Variants in ZNF669 observed in about 807,000 individuals in gnomAD.
ZNF669 encodes zinc finger protein 669.
ZNF669 carries 7 observed loss-of-function variants against 11.4 expected under a neutral mutation model. The observed-to-expected ratio is 0.62, with a 90% CI of 0.35 to 1.16. The LOEUF (loss-of-function observed/expected upper bound fraction) is 1.16. ZNF669 is among the 50% of genes most tolerant of loss of function. ZNF669 has a pLI of 0.02. For synonymous variants in ZNF669, 153 were observed against 155.8 expected (o/e 0.98, Z 0.13); for missense variants, 492 against 463.6 (o/e 1.06, Z -0.56).
Position 247,100,819 on chromosome 1 carries a change from A to G in ZNF669, c.692T>C (p.Phe231Ser). The change falls in exon 4 of 4, where the codon TTT becomes TCT. Residue 231 changes from phenylalanine (F) to serine (S), a missense_variant. Transcript: ENST00000448299. ...ECKECGKTFR[F>S]SCSFKTHERT... Reference sequence around the variant, plus strand: ...TTCATGCGTCTTAAAAGAACAAGAAAATCTGAATGTTTTCCCACATTCCTT... The same window carrying G: ...TTCATGCGTCTTAAAAGAACAAGAAGATCTGAATGTTTTCCCACATTCCTT... 1 of 1,613,778 alleles carries G rather than the reference A, an allele frequency of 6.2e-7. No homozygotes were observed. Among genetic ancestry groups the G allele is most frequent in the Non-Finnish European group, 8.5e-7 (1 of 1,179,916 alleles).
rs749100161 is a variant in ZNF669, at chr1:247,101,197, C to T, written c.314G>A (p.Cys105Tyr). Residue 105 changes from cysteine to tyrosine, a missense_variant, in exon 4 of 4, where the codon TGC becomes TAC. Physicochemically the swap from Cys to Tyr is radical, Grantham distance 194. Transcript: ENST00000448299. ...NISTGLKPCE[C>Y]SICGKVFVRH... ...TACAAAGACTTTTCCACAAATACTG[C>T]ATTCACATGGTTTTAATCCAGTAGA... 1 of 1,614,090 alleles carries T rather than the reference C, an allele frequency of 6.2e-7. No homozygotes were observed. The highest frequency in any genetic ancestry group is 8.5e-7 in the Non-Finnish European group (1 of 1,180,010).
chr1:247,104,098 C>G, intron 1 of ZNF669, 99 bp downstream of exon 1: 1 of 1,597,464 alleles, frequency 6.3e-7, no homozygotes, highest in Middle Eastern at 1.7e-4. Flanking sequence ...ACTCGGTCCG[C>G]AGGTTCCGGA....
rs987200822 is a variant in ZNF669 at position 247,101,415 on chromosome 1, G to A, written c.192-96C>T. On this transcript the variant is annotated intron_variant, in intron 3 of 3. Transcript: ENST00000448299. ...GGACTTACACTGCTACCAATATCAG[G>A]GAAAATGCATTTTTTTTTTTGCCAT... 3.6e-5 allele frequency: 51 copies of A among 1,403,942 alleles called. No homozygotes were observed. The African/African-American group carries it at 6.4e-4, about 18-fold the overall frequency. 87.0% of individuals were successfully genotyped at this position (1,403,942 alleles called of 1,614,324 possible). A position where few individuals can be genotyped will look rare whatever the true frequency, so the allele number is the denominator to read the frequency against.
chr1:247,103,643 A>G (rs1671772454), intron 1 of ZNF669, among the ~76,000 whole-genome samples: 1 of 139,964 alleles, frequency 7.1e-6, no homozygotes, highest in East Asian at 1.9e-4. Context: ...AAAAAAAAAA[A>G]AAAAAAAAAA....
In ZNF669 at chr1:247,104,180, A is replaced by T. The variant is rs745541446; in HGVS notation, c.3+17T>A. 1 of 1,532,738 alleles carries T rather than the reference A, an allele frequency of 6.5e-7. No individual in the cohort carries two copies. 94.9% of individuals were successfully genotyped at this position (1,532,738 alleles called of 1,614,324 possible). ...GCCCTCTTCTCCACTTCGGGAAGCCAGGCGCAGTCCACTCACCATTCCTCG... is the reference window on the plus strand; with the variant it reads ...GCCCTCTTCTCCACTTCGGGAAGCCTGGCGCAGTCCACTCACCATTCCTCG... On this transcript the variant is annotated intron_variant, in intron 1 of 3. Coordinates refer to ENST00000448299, the MANE Select transcript of ZNF669 (RefSeq NM_001142572.2).
At chr1:247,101,603 G>T in intron 3 of ZNF669, 128 bp downstream of exon 3, 2 of 950,346 alleles carry the variant, frequency 2.1e-6, no homozygotes, top group Non-Finnish European at 3.1e-6. Flanking sequence ...GTTACATTTT[G>T]GGTGAAATTT....
rs868262823 is a variant in ZNF669 at position 247,101,164 on chromosome 1, G to A, written c.347C>T (p.Ser116Phe). The A allele has an allele frequency of 1.9e-6, 3 of 1,614,090 alleles. No homozygotes were observed. The highest frequency in any genetic ancestry group is 2.2e-5 in the East Asian group (1 of 44,858). ...SICGKVFVRH[S>F]LLNRHILAHS... is the part of the protein sequence containing the mutation. ...AGCTAGGATATGCCTATTAAGGAGG[G>A]AATGACGTACAAAGACTTTTCCACA... Residue 116 changes from serine to phenylalanine, a missense_variant, in exon 4 of 4, where the codon TCC becomes TTC. Coordinates refer to ENST00000448299, the MANE Select transcript of ZNF669 (RefSeq NM_001142572.2).
At chr1:247,103,559 G>A (rs376634520) in intron 1 of ZNF669, among the ~76,000 whole-genome samples, 3 of 147,158 alleles carry the variant, frequency 2.0e-5, no homozygotes, top group African/African-American at 5.1e-5. Flanking sequence ...GCTTGAACCC[G>A]GGAGTCAGAG....
chr1:247,102,093 ATCCT>A lies in ZNF669; in HGVS notation c.20_23del (p.Glu7ValfsTer4), dbSNP rs749649603. The A allele has an allele frequency of 1.2e-6, 2 of 1,609,704 alleles. No individual in the cohort carries two copies. Among genetic ancestry groups the A allele is most frequent in the Admixed American group, 3.4e-5 (2 of 58,848 alleles). On this transcript the variant is annotated frameshift_variant, in exon 2 of 4. Coordinates refer to ENST00000448299, the MANE Select transcript of ZNF669 (RefSeq NM_001142572.2). LOFTEE classifies it high-confidence loss of function. ...CCTCCTGGGTAAAGTTCACAGCCAC[ATCCT>A]CAAAAGCCACCGAGTCCTAGAACAT...
At position 247,100,412 on chromosome 1, in the gene ZNF669, G is replaced by A; in HGVS notation, c.1099C>T (p.Pro367Ser). The A allele has an allele frequency of 1.9e-6, 3 of 1,613,216 alleles. No homozygotes were observed. The highest frequency in any genetic ancestry group is 2.5e-6 in the Non-Finnish European group (3 of 1,179,404). Residue 367 changes from proline to serine, a missense_variant, in exon 4 of 4, where the codon CCC (proline) becomes TCC (serine). By Grantham distance (74) the Pro-to-Ser change is moderately conservative (BLOSUM62 -1). Transcript: ENST00000448299. ...ACGCCTTGGCCTCCCAAAGTGCTGG[G>A]ATTATAGGCTGAGTCACTACACCCA... ...EAGCSDSAYNPSTLGGQGVWI... is the reference protein window; with the variant it reads ...EAGCSDSAYNSSTLGGQGVWI...
chr1:247,103,632 CAAAAAAAAAAAA>C (rs58671011), intron 1 of ZNF669, among the ~76,000 whole-genome samples: 24 of 50,044 alleles, frequency 4.8e-4, no homozygotes, highest in Admixed American at 4.0e-3. Context: ...ATTCCGTCTC[CAAAAAAAAAAAA>C]AAAAAAAAAA....
chr1:247,103,893 C>T lies in ZNF669; in HGVS notation c.3+304G>A, dbSNP rs562565036. ...GCTGGAACCCCGCACACCGAGACAC[C>T]GAGTCGGGGCTCTCCCGCATCACCC... On this transcript the variant is annotated intron_variant, in intron 1 of 3. Coordinates refer to ENST00000448299, the MANE Select transcript of ZNF669 (RefSeq NM_001142572.2). 4.8e-4 allele frequency: 742 copies of T among 1,532,082 alleles called. 10 individuals are homozygous for T. In the Admixed American group the frequency reaches 0.015, roughly 31 times the overall value. The allele number at this position is 1,532,082 out of a possible 1,614,324, so 94.9% of individuals were successfully genotyped here.
chr1:247,103,825 G>A, intron 1 of ZNF669: 4 of 1,342,222 alleles, frequency 3.0e-6, no homozygotes, highest in South Asian at 3.1e-5. Flanking sequence ...TTTAGGGGAA[G>A]AAAGGTGGGA....
Position 247,100,822 on chromosome 1 carries a change from C to G in ZNF669, c.689G>C (p.Arg230Thr). ...ATGCGTCTTAAAAGAACAAGAAAATCTGAATGTTTTCCCACATTCCTTACA... is the reference window on the plus strand; with the variant it reads ...ATGCGTCTTAAAAGAACAAGAAAATGTGAATGTTTTCCCACATTCCTTACA... ...YECKECGKTF[R>T]FSCSFKTHER... Residue 230 changes from arginine to threonine, a missense_variant, in exon 4 of 4, where the codon AGA becomes ACA. By Grantham distance (71) the Arg-to-Thr change is moderately conservative (BLOSUM62 -1). Transcript: ENST00000448299. 2.5e-6 allele frequency: 4 copies of G among 1,613,934 alleles called. No homozygotes were observed. The highest frequency in any genetic ancestry group is 1.1e-5 in the South Asian group (1 of 91,032).
At position 247,101,002 on chromosome 1, in the gene ZNF669, C is replaced by G. The variant is rs1332371935; in HGVS notation, c.509G>C (p.Gly170Ala). The G allele has an allele frequency of 3.1e-6, 5 of 1,613,470 alleles. No homozygotes were observed. The highest frequency in any genetic ancestry group is 4.2e-6 in the Non-Finnish European group (5 of 1,179,932). Reference sequence around the variant, plus strand: ...TGAATTGAGAAAATAAAAAGCTTTCCCACATATCGTACATTTATAAGCTGG... The same window carrying G: ...TGAATTGAGAAAATAAAAAGCTTTCGCACATATCGTACATTTATAAGCTGG... ...GNPAYKCTICGKAFYFLNSVE... is the reference protein window; with the variant it reads ...GNPAYKCTICAKAFYFLNSVE... Residue 170 changes from glycine (G) to alanine (A), a missense_variant, in exon 4 of 4, where the codon GGG (glycine) becomes GCG (alanine). By Grantham distance (60) the Gly-to-Ala change is moderately conservative (BLOSUM62 0). Transcript: ENST00000448299.
At chr1:247,102,677 A>G (rs1671747712) in intron 1 of ZNF669, among the ~76,000 whole-genome samples, 1 of 152,240 alleles carries the variant, frequency 6.6e-6, no homozygotes, top group Non-Finnish European at 1.5e-5. Context: ...CCAGACACCA[A>G]AACACAGTCT....
chr1:247,103,632 CAAAAAAAAA>C (rs58671011), intron 1 of ZNF669, among the ~76,000 whole-genome samples: 9 of 50,046 alleles, frequency 1.8e-4, no homozygotes, highest in Admixed American at 3.0e-4. Context: ...ATTCCGTCTC[CAAAAAAAAA>C]AAAAAAAAAA....
chr1:247,101,885 AT>A, intron 2 of ZNF669, 94 bp from the exon 3 acceptor site: 1 of 1,602,850 alleles, frequency 6.2e-7, no homozygotes, highest in Non-Finnish European at 8.5e-7. Context: ...CCCATGCCTG[AT>A]TTATTCACCA....
At chr1:247,102,693 CTAAG>C (rs1184444485) in intron 1 of ZNF669, among the ~76,000 whole-genome samples, 2 of 152,164 alleles carry the variant, frequency 1.3e-5, no homozygotes, top group Non-Finnish European at 2.9e-5. Context: ...AGTCTGAACA[CTAAG>C]TGTTTAATGA....
Sources: gnomAD v4.1 joint callset for allele counts (sites outside exome capture counted in the v4.1 genomes callset) on GRCh38, gnomAD v4.1.1 for gene constraint, MANE v1.5 for transcripts, NCBI Gene and HGNC (gene_info 2026-07-23, HGNC 2026-07-21) for gene names.